The following FRAS1 variants were observed in gnomAD, a reference collection of about 807,000 sequenced individuals.
The protein encoded by FRAS1 is Fraser extracellular matrix complex subunit 1.
A neutral mutation model predicts 435.2 loss-of-function variants in FRAS1; 290 were observed. The observed-to-expected ratio is 0.67, with a 90% CI of 0.61 to 0.73. FRAS1 has a LOEUF of 0.73. Among genes scored for constraint, FRAS1 ranks in the 30% least tolerant of loss-of-function variants. The pLI is 0.00. For missense variants in FRAS1, 4,860 were observed against 5,001.5 expected (o/e 0.97, Z 0.85); for synonymous variants, 1,800 against 1,851.0 (o/e 0.97, Z 0.71).
chr4:78,411,250 A>C (rs1419147602), intron 31 of FRAS1, among the ~76,000 whole-genome samples: 3 of 151,872 alleles, frequency 2.0e-5, no homozygotes, highest in Non-Finnish European at 4.4e-5. Flanking sequence ...AGCTGGGATT[A>C]TAGGTGCCCG....
chr4:78,297,350 C>T (rs537271333), intron 14 of FRAS1, among the ~76,000 whole-genome samples: 31 of 152,200 alleles, frequency 2.0e-4, no homozygotes, highest in Non-Finnish European at 5.9e-5. Context: ...TCGGTGTCCA[C>T]TGCTCTGGGT....
intron 2 of FRAS1, among the ~76,000 whole-genome samples, chr4:78,201,023 A>G (rs1302313497): frequency 1.3e-5 from 2 of 151,332 alleles, no homozygotes; most frequent in Non-Finnish European, 2.9e-5. Flanking sequence ...CTTCAACATA[A>G]TGAGTTCTCA....
At chr4:78,085,291 TC>T (rs1218480551) in intron 2 of FRAS1, among the ~76,000 whole-genome samples, 1 of 152,170 alleles carries the variant, frequency 6.6e-6, no homozygotes, top group Non-Finnish European at 1.5e-5. Context: ...CACTGACATT[TC>T]TTTTATGCAT....
At chr4:78,282,750 C>G in intron 11 of FRAS1, 70 bp from the exon 12 acceptor site, 1 of 1,565,602 alleles carries the variant, frequency 6.4e-7, no homozygotes, top group South Asian at 1.2e-5. Context: ...ATTGTAAGTT[C>G]TTCAGCAGCA....
chr4:78,217,421 G>A (rs1188853427), intron 2 of FRAS1, among the ~76,000 whole-genome samples: 3 of 152,078 alleles, frequency 2.0e-5, no homozygotes, highest in African/African-American at 7.2e-5. Flanking sequence ...GTTGTTGGGG[G>A]GCATGTCTGG....
intron 9 of FRAS1, among the ~76,000 whole-genome samples, chr4:78,276,531 A>C (rs1384874601): frequency 6.6e-6 from 1 of 152,156 alleles, no homozygotes; most frequent in East Asian, 1.9e-4. Flanking sequence ...TTTCCTTCTA[A>C]CAGTCAGGAC....
intron 20 of FRAS1, among the ~76,000 whole-genome samples, chr4:78,345,863 TTA>T (rs1730586990): frequency 1.9e-5 from 1 of 51,968 alleles, no homozygotes; most frequent in African/African-American, 1.7e-4. Flanking sequence ...CCTTCCTAAA[TTA>T]AAAAAAAAAA....
chr4:78,156,256 T>C (rs17002986), intron 2 of FRAS1, among the ~76,000 whole-genome samples: 5,534 of 152,226 alleles, frequency 0.036, 334 homozygotes, highest in African/African-American at 0.13. Context: ...TTAGCACATG[T>C]AGAACATTTA....
At chr4:78,158,513 A>G (rs1380332945) in intron 2 of FRAS1, among the ~76,000 whole-genome samples, 1 of 152,136 alleles carries the variant, frequency 6.6e-6, no homozygotes, top group Non-Finnish European at 1.5e-5. Flanking sequence ...AGAAATGTTT[A>G]GTCATAAAAA....
At chr4:78,273,036 G>C (rs1726794326) in intron 9 of FRAS1, among the ~76,000 whole-genome samples, 1 of 152,156 alleles carries the variant, frequency 6.6e-6, no homozygotes, top group Non-Finnish European at 1.5e-5. Flanking sequence ...CATATCCCTT[G>C]TAAGTTGGAT....
chr4:78,535,254 C>G (rs758542932), intron 71 of FRAS1, among the ~76,000 whole-genome samples: 4 of 152,186 alleles, frequency 2.6e-5, no homozygotes, highest in Non-Finnish European at 4.4e-5. Context: ...CAGTCTATTC[C>G]TACTCTGAGT....
chr4:78,432,593 C>T lies in FRAS1; in HGVS notation c.5206C>T (p.Leu1736Phe), dbSNP rs768832702. Residue 1736 changes from leucine to phenylalanine, a missense_variant, in exon 38 of 74, where the codon CTT becomes TTT. By Grantham distance (22) the Leu-to-Phe change is conservative (BLOSUM62 0). Coordinates refer to ENST00000512123, the MANE Select transcript of FRAS1 (RefSeq NM_025074.7). Reference protein sequence around the residue: ...KSTAIITRSHLAYVDDSSPDP... With the variant: ...KSTAIITRSHFAYVDDSSPDP... ...CACAGCCATAATCACTAGGTCACAC[C>T]TTGCTTACGTGGTAAGTTCTTCCAT... 1 of 1,578,926 alleles carries T rather than the reference C, an allele frequency of 6.3e-7. No individual in the cohort carries two copies. Among genetic ancestry groups the T allele is most frequent in the Non-Finnish European group, 8.6e-7 (1 of 1,159,334 alleles).
intron 23 of FRAS1, among the ~76,000 whole-genome samples, chr4:78,370,699 G>A (rs995107904): frequency 1.3e-5 from 2 of 152,190 alleles, no homozygotes; most frequent in African/African-American, 4.8e-5. Flanking sequence ...ACTTAAATGA[G>A]TGAAGACGTA....
chr4:78,475,648 T>A, intron 54 of FRAS1, 42 bp downstream of exon 54: 1 of 1,486,908 alleles, frequency 6.7e-7, no homozygotes, highest in Non-Finnish European at 9.0e-7. Flanking sequence ...CAGCAAGGGC[T>A]GTGACATGGC....
chr4:78,374,528 A>G (rs925785147), intron 25 of FRAS1, among the ~76,000 whole-genome samples: 1 of 152,240 alleles, frequency 6.6e-6, no homozygotes, highest in Non-Finnish European at 1.5e-5. Context: ...TAACGCTTCT[A>G]TTGATCTACA....
intron 2 of FRAS1, among the ~76,000 whole-genome samples, chr4:78,203,797 A>G (rs961454460): frequency 2.0e-5 from 3 of 152,006 alleles, no homozygotes; most frequent in Admixed American, 2.0e-4. Context: ...CGAACTCCTG[A>G]CCTCAGGTGA....
chr4:78,072,550 T>A (rs1465151455), intron 2 of FRAS1, among the ~76,000 whole-genome samples: 1 of 152,158 alleles, frequency 6.6e-6, no homozygotes, highest in Non-Finnish European at 1.5e-5. Context: ...GTGGGGAGAA[T>A]ACTTGGTGTC....
chr4:78,534,821 T>C (rs550488641), intron 71 of FRAS1, among the ~76,000 whole-genome samples: 1 of 152,328 alleles, frequency 6.6e-6, no homozygotes, highest in Admixed American at 6.5e-5. Context: ...CACTTGGCAC[T>C]ATAATGATTG....
At chr4:78,127,985 G>A (rs989848862) in intron 2 of FRAS1, among the ~76,000 whole-genome samples, 21 of 146,582 alleles carry the variant, frequency 1.4e-4, no homozygotes, top group Admixed American at 1.3e-3. Context: ...TCCCACCTAT[G>A]AGTGAGAACA....
Sources: allele counts gnomAD v4.1 joint callset (sites outside exome capture counted in the v4.1 genomes callset), GRCh38; gene constraint gnomAD v4.1.1; transcripts MANE v1.5; gene names NCBI Gene and HGNC (gene_info 2026-07-23, HGNC 2026-07-21).